OSTF1: variants seen among roughly 807,000 people sequenced by gnomAD.
OSTF1 encodes the protein osteoclast-stimulating factor 1.
A neutral mutation model predicts 37.2 loss-of-function variants in OSTF1; 27 were observed. The ratio of observed to expected loss-of-function variants is 0.73; its 90% confidence interval spans 0.54 to 1.00. The LOEUF (loss-of-function observed/expected upper bound fraction) is 1.00, where lower values mean the gene tolerates loss of function less well. Among genes scored for constraint, OSTF1 ranks in the 50% least tolerant of loss-of-function variants. The pLI, the probability that OSTF1 is intolerant of heterozygous loss-of-function variation, is 0.00. For synonymous variants in OSTF1, 82 were observed against 89.2 expected, an observed-to-expected ratio of 0.92 and a Z score of 0.46; for missense variants, 232 against 253.8, an observed-to-expected ratio of 0.91 and a Z score of 0.58.
At chr9:75,108,245 T>TA (rs1564157362) in intron 1 of OSTF1, among the ~76,000 whole-genome samples, 4 of 151,070 alleles carry the variant, frequency 2.6e-5, no homozygotes, top group South Asian at 2.1e-4. Context: ...ATAAATAAAT[T>TA]AATTAATTAA....
At chr9:75,128,943 A>G (rs1466602393) in intron 3 of OSTF1, among the ~76,000 whole-genome samples, 2 of 152,092 alleles carry the variant, frequency 1.3e-5, no homozygotes, top group African/African-American at 2.4e-5. Context: ...GACCAACCCA[A>G]TAATAATATG....
At chr9:75,132,954 TATACAC>T (rs1477968026) in intron 5 of OSTF1, among the ~76,000 whole-genome samples, 1 of 143,874 alleles carries the variant, frequency 7.0e-6, no homozygotes, top group Non-Finnish European at 1.5e-5. Context: ...AAAAATAATA[TATACAC>T]ATACACACAC....
chr9:75,095,993 G>C lies in OSTF1; in HGVS notation c.34+7267G>C, dbSNP rs1284788170. ...TGCAACCTCCGCCTCCCGGGTTCAC[G>C]CCATTCTCCTGCCTCAGCCTCCTGA... On this transcript the variant is annotated intron_variant, in intron 1 of 9. Transcript: ENST00000346234. Among the ~76,000 whole-genome samples the C allele has an allele frequency of 2.0e-5, 3 of 151,724 alleles. No homozygotes were observed. In the East Asian group the frequency reaches 5.8e-4, roughly 29 times the overall value.
At chr9:75,091,011 A>G (rs10869499) in intron 1 of OSTF1, among the ~76,000 whole-genome samples, 61,055 of 151,224 alleles carry the variant, frequency 0.4, 12,795 homozygotes, top group Middle Eastern at 0.53. Context: ...ACTTGTCTAA[A>G]GTCAACAGTT....
chr9:75,090,532 G>A (rs894532819), intron 1 of OSTF1, among the ~76,000 whole-genome samples: 2 of 152,082 alleles, frequency 1.3e-5, no homozygotes, highest in Non-Finnish European at 2.9e-5. Flanking sequence ...CAGGATAAAG[G>A]GAATTTTGAA....
chr9:75,117,586 A>C (rs974210783), intron 2 of OSTF1, 36 bp downstream of exon 2: 1 of 1,449,334 alleles, frequency 6.9e-7, no homozygotes, highest in Non-Finnish European at 9.7e-7. Context: ...AAATTGACAG[A>C]AAAACCTAAG....
At chr9:75,094,411 C>T (rs1001320314) in intron 1 of OSTF1, among the ~76,000 whole-genome samples, 2 of 150,418 alleles carry the variant, frequency 1.3e-5, no homozygotes, top group Non-Finnish European at 1.5e-5. Flanking sequence ...GGGGTGGACT[C>T]AGAGACTGTG....
At chr9:75,088,760 T>C (rs1345868324) in intron 1 of OSTF1, 34 bp downstream of exon 1, 1 of 1,586,384 alleles carries the variant, frequency 6.3e-7, no homozygotes, top group East Asian at 2.3e-5. Flanking sequence ...TGCCAGGTCC[T>C]GCGACCGCCG....
At chr9:75,111,283 A>G (rs1023127201) in intron 1 of OSTF1, among the ~76,000 whole-genome samples, 2 of 152,106 alleles carry the variant, frequency 1.3e-5, no homozygotes, top group African/African-American at 2.4e-5. Context: ...CTCTACCACT[A>G]TGAACAGGGA....
At chr9:75,140,606 T>C (rs1825926042) in intron 8 of OSTF1, among the ~76,000 whole-genome samples, 1 of 152,208 alleles carries the variant, frequency 6.6e-6, no homozygotes, top group African/African-American at 2.4e-5. Context: ...CTATAGGGAC[T>C]CAAAAGGTTC....
At chr9:75,145,580 C>T (rs1046950513) in intron 9 of OSTF1, among the ~76,000 whole-genome samples, 8 of 152,106 alleles carry the variant, frequency 5.3e-5, no homozygotes, top group African/African-American at 1.9e-4. Context: ...AGTTTTCCCT[C>T]ATCAATTGTT....
intron 1 of OSTF1, among the ~76,000 whole-genome samples, chr9:75,108,064 C>T (rs1825320604): frequency 6.6e-6 from 1 of 151,794 alleles, no homozygotes; most frequent in South Asian, 2.1e-4. Flanking sequence ...TGACTCCCGT[C>T]TCTACAAAAA....
At chr9:75,134,468 A>G in intron 7 of OSTF1, 73 bp downstream of exon 7, 3 of 735,750 alleles carry the variant, frequency 4.1e-6, no homozygotes, top group Non-Finnish European at 2.3e-6. Flanking sequence ...ACTCATGGGC[A>G]TGTGAAGTAT....
intron 1 of OSTF1, among the ~76,000 whole-genome samples, chr9:75,093,705 G>GT (rs1435566712): frequency 3.3e-5 from 5 of 152,168 alleles, no homozygotes; most frequent in Admixed American, 3.3e-4. Context: ...AGAAAAAAAG[G>GT]TTTTTATCTA....
Position 75,134,360 on chromosome 9 carries a change from C to T in OSTF1, c.373C>T (p.Leu125=), listed in dbSNP as rs777183371. 3.2e-6 allele frequency: 5 copies of T among 1,565,756 alleles called. No homozygotes were observed. The highest frequency in any genetic ancestry group is 4.4e-6 in the Non-Finnish European group (5 of 1,141,414). Residue 125 remains leucine, a synonymous_variant, in exon 7 of 10, where the codon CTA becomes TTA. Coordinates refer to ENST00000346234, the MANE Select transcript of OSTF1 (RefSeq NM_012383.5). ...TTGAATTTCAGATATAGTGGAAATG[C>T]TATTTACTCAACCAAATATTGAACT... is the stretch of plus-strand genomic sequence containing the variant. The part of the protein sequence containing the change: ...HGGHKDIVEM[L]FTQPNIELNQ...
chr9:75,101,702 T>C (rs1396693610), intron 1 of OSTF1, among the ~76,000 whole-genome samples: 1 of 152,246 alleles, frequency 6.6e-6, no homozygotes, highest in Non-Finnish European at 1.5e-5. Flanking sequence ...AGTTCTAATA[T>C]TAGCTAGAAA....
intron 1 of OSTF1, among the ~76,000 whole-genome samples, chr9:75,100,988 G>A (rs1186376522): frequency 6.6e-6 from 1 of 152,162 alleles, no homozygotes; most frequent in Non-Finnish European, 1.5e-5. Flanking sequence ...ATTCTCTTGT[G>A]CTTCCCTTCC....
At chr9:75,098,582 G>T (rs941568822) in intron 1 of OSTF1, among the ~76,000 whole-genome samples, 1 of 152,034 alleles carries the variant, frequency 6.6e-6, no homozygotes, top group Non-Finnish European at 1.5e-5. Context: ...TTTATGTTTG[G>T]AAAATGTAAA....
intron 1 of OSTF1, among the ~76,000 whole-genome samples, chr9:75,095,958 T>G (rs1248768180): frequency 6.6e-6 from 1 of 151,852 alleles, no homozygotes; most frequent in South Asian, 2.1e-4. Context: ...GTGGCGCGAT[T>G]TCGGCTCACT....
Sources: gnomAD v4.1 joint callset for allele counts (sites outside exome capture counted in the v4.1 genomes callset) on GRCh38, gnomAD v4.1.1 for gene constraint, MANE v1.5 for transcripts, NCBI Gene and HGNC (gene_info 2026-07-23, HGNC 2026-07-21) for gene names.